Variants in GRM4 observed in about 807,000 individuals in gnomAD.
The protein encoded by GRM4 is glutamate metabotropic receptor 4.
In GRM4, 28 loss-of-function variants were observed where a neutral mutation model predicts 81.7. That is an observed-to-expected ratio of 0.34 (90% CI 0.25 to 0.47). The LOEUF (loss-of-function observed/expected upper bound fraction) is 0.47. Ranked by LOEUF, GRM4 falls within the 20% of genes least tolerant of loss-of-function variation. The pLI is 1.00. For synonymous variants in GRM4, 488 were observed against 528.8 expected, an observed-to-expected ratio of 0.92 and a Z score of 1.06; for missense variants, 948 against 1,290.0, an observed-to-expected ratio of 0.73 and a Z score of 4.06.
intron 3 of GRM4, among the ~76,000 whole-genome samples, chr6:34,083,613 G>A (rs1767725198): frequency 6.6e-6 from 1 of 152,206 alleles, no homozygotes; most frequent in African/African-American, 2.4e-5. Flanking sequence ...TAGAATGGGA[G>A]GTTCTGGCTG....
chr6:34,095,324 G>A (rs573444751), intron 2 of GRM4, among the ~76,000 whole-genome samples: 66 of 152,152 alleles, frequency 4.3e-4, no homozygotes, highest in African/African-American at 1.6e-3. Context: ...TGCTCTCCCC[G>A]CAGCCTCCCT....
In GRM4 at chr6:34,028,221, A is replaced by G; in HGVS notation, c.2588T>C (p.Val863Ala). ...VPKRKRSLKA[V>A]VTAATMSNKF... is the part of the protein sequence containing the mutation. ...GTTGGACATGGTGGCCGCCGTAACG[A>G]CGGCTTTGAGGCTGCGCTTGCGCTT... The change falls in exon 10 of 11, where the codon GTC becomes GCC. Residue 863 changes from valine (V) to alanine (A), a missense_variant. Physicochemically the swap from Val to Ala is moderately conservative, Grantham distance 64. Transcript: ENST00000538487. 1 of 1,613,992 alleles carries G rather than the reference A, an allele frequency of 6.2e-7. No homozygotes were observed. Among genetic ancestry groups the G allele is most frequent in the Non-Finnish European group, 8.5e-7 (1 of 1,179,990 alleles).
At chr6:34,043,167 C>G (rs564910688) in intron 6 of GRM4, among the ~76,000 whole-genome samples, 1 of 152,336 alleles carries the variant, frequency 6.6e-6, no homozygotes, top group Non-Finnish European at 1.5e-5. Context: ...CCTGCTCCAT[C>G]CCAGGCTGCA....
chr6:34,098,006 A>G (rs896792290), intron 2 of GRM4, among the ~76,000 whole-genome samples: 1 of 152,162 alleles, frequency 6.6e-6, no homozygotes, highest in African/African-American at 2.4e-5. Context: ...TCCAGCACCC[A>G]TCGGAGCCGC....
intron 1 of GRM4, among the ~76,000 whole-genome samples, chr6:34,135,596 G>A (rs2127512964): frequency 6.6e-6 from 1 of 152,350 alleles, no homozygotes; most frequent in South Asian, 2.1e-4. Context: ...TAGGGGCCAA[G>A]GCCAGTGCTT....
chr6:34,045,398 G>A (rs956347272), intron 6 of GRM4, among the ~76,000 whole-genome samples: 3 of 152,242 alleles, frequency 2.0e-5, no homozygotes, highest in African/African-American at 7.2e-5. Flanking sequence ...AGGGGAGGTA[G>A]CAAGGTTTGC....
rs944555867 is a variant in GRM4 at position 34,152,078 on chromosome 6, C to T, written c.312+3001G>A. On this transcript the variant is annotated intron_variant, in intron 1 of 8. Coordinates refer to the GRM4 transcript ENST00000374177. The surrounding 1 kb of genome is among the most constrained non-coding windows in gnomAD (Gnocchi z 4.1). ...GCACAGGGCAAAGACCACACAAGCTCGTTAACTGATCGGCAGTTGAGAATA... is the reference window on the plus strand; with the variant it reads ...GCACAGGGCAAAGACCACACAAGCTTGTTAACTGATCGGCAGTTGAGAATA... 3.3e-5 allele frequency among the ~76,000 whole-genome samples: 5 copies of T among 152,178 alleles called. No homozygotes were observed. Among genetic ancestry groups the T allele is most frequent in the African/African-American group, 4.8e-5 (2 of 41,450 alleles).
intron 2 of GRM4, among the ~76,000 whole-genome samples, chr6:34,108,927 G>A (rs1210806124): frequency 6.6e-6 from 1 of 152,082 alleles, no homozygotes; most frequent in Non-Finnish European, 1.5e-5. Context: ...CCTCACTCAG[G>A]TCTATTCCAG....
intron 2 of GRM4, among the ~76,000 whole-genome samples, chr6:34,101,092 C>T (rs1338909489): frequency 3.9e-5 from 6 of 152,180 alleles, no homozygotes; most frequent in Non-Finnish European, 4.4e-5. Flanking sequence ...TATTTATTTC[C>T]ACCTCAAGGG....
In GRM4 at chr6:34,090,071, T is replaced by C. The variant is rs779178940; in HGVS notation, c.736+1812A>G. On this transcript the variant is annotated intron_variant, in intron 3 of 10. Transcript: ENST00000538487. This position sits in a 1 kb window ranked among gnomAD's most constrained non-coding sequence, Gnocchi z 5.2. Reference sequence around the variant, plus strand: ...AGCTATTATTCAGCCTCTCTGTGCCTGCACTTCCTCTCCTGCAAAATGGGG... The same window carrying C: ...AGCTATTATTCAGCCTCTCTGTGCCCGCACTTCCTCTCCTGCAAAATGGGG... Among the ~76,000 whole-genome samples the C allele has an allele frequency of 9.2e-5, 14 of 152,210 alleles. No homozygotes were observed. Among genetic ancestry groups the C allele is most frequent in the Admixed American group, 2.0e-4 (3 of 15,280 alleles).
intron 3 of GRM4, among the ~76,000 whole-genome samples, chr6:34,091,125 C>A (rs1343992926): frequency 6.6e-6 from 1 of 152,204 alleles, no homozygotes; most frequent in African/African-American, 2.4e-5. Context: ...TGCAGCCAGC[C>A]CTCTCAGGGC....
At chr6:34,066,662 C>A (rs1386632637) in intron 3 of GRM4, among the ~76,000 whole-genome samples, 1 of 151,948 alleles carries the variant, frequency 6.6e-6, no homozygotes, top group Admixed American at 6.6e-5. Flanking sequence ...TGCCACCTCT[C>A]AAAATCATGG....
At chr6:34,094,864 T>G (rs1768427184) in intron 2 of GRM4, among the ~76,000 whole-genome samples, 1 of 152,108 alleles carries the variant, frequency 6.6e-6, no homozygotes, top group Admixed American at 6.5e-5. Flanking sequence ...CAAGATGAAG[T>G]GGCTCCTTCT....
At chr6:34,100,689 G>A (rs1056175356) in intron 2 of GRM4, among the ~76,000 whole-genome samples, 33 of 152,222 alleles carry the variant, frequency 2.2e-4, no homozygotes, top group African/African-American at 8.0e-4. Flanking sequence ...GCTAATGCTG[G>A]GTGCTGGGCA....
At chr6:34,150,550 A>C (rs369948159), upstream of GRM4, among the ~76,000 whole-genome samples, 17 of 152,186 alleles carry the variant, frequency 1.1e-4, no homozygotes, top group African/African-American at 3.4e-4. Context: ...TCCAAGGTCA[A>C]CTTGAGCCTT....
intron 1 of GRM4, among the ~76,000 whole-genome samples, chr6:34,138,308 A>G (rs1286697947): frequency 6.6e-6 from 1 of 152,050 alleles, no homozygotes; most frequent in African/African-American, 2.4e-5. Context: ...CCTTCCTCTC[A>G]GCTCCCAACC....
chr6:34,126,797 T>G (rs975978751), intron 2 of GRM4, among the ~76,000 whole-genome samples: 1 of 152,182 alleles, frequency 6.6e-6, no homozygotes, highest in African/African-American at 2.4e-5. Context: ...GGCGAGGGTT[T>G]CCTGAGGGCC....
chr6:34,079,921 A>C (rs534762147), intron 3 of GRM4, among the ~76,000 whole-genome samples: 1 of 152,282 alleles, frequency 6.6e-6, no homozygotes, highest in South Asian at 2.1e-4. Context: ...CAACAGCCAG[A>C]GGGATCTCGA....
Position 34,115,098 on chromosome 6 carries a change from G to A in GRM4, c.519+17880C>T, listed in dbSNP as rs1054507346. On this transcript the variant is annotated intron_variant, in intron 2 of 10. Transcript: ENST00000538487. The surrounding 1 kb of genome is among the most constrained non-coding windows in gnomAD (Gnocchi z 4.1). Reference sequence around the variant, plus strand: ...CCAGATGCTGCTAACCTCTCCTCAGGGGTTGCCTGGGTGCAAAGAGGTTCA... The same window carrying A: ...CCAGATGCTGCTAACCTCTCCTCAGAGGTTGCCTGGGTGCAAAGAGGTTCA... 6.6e-6 allele frequency among the ~76,000 whole-genome samples: 1 copy of A among 152,178 alleles called. No homozygotes were observed. Among genetic ancestry groups the A allele is most frequent in the Admixed American group, 6.5e-5 (1 of 15,282 alleles).
Sources: gnomAD v4.1 joint callset for allele counts (sites outside exome capture counted in the v4.1 genomes callset) on GRCh38, gnomAD v4.1.1 for gene constraint, Gnocchi (gnomAD v3.1) non-coding constraint, MANE v1.5 for transcripts, NCBI Gene and HGNC (gene_info 2026-07-23, HGNC 2026-07-21) for gene names.